MARCHF1: variants seen among roughly 807,000 people sequenced by gnomAD.
The protein encoded by MARCHF1 is membrane associated ring-CH-type finger 1.
In MARCHF1, 40 loss-of-function variants were observed where a neutral mutation model predicts 54.2. That is an observed-to-expected ratio of 0.74 (90% CI 0.57 to 0.96). MARCHF1 has a LOEUF of 0.96. Ranked by LOEUF, MARCHF1 falls within the 40% of genes least tolerant of loss-of-function variation. MARCHF1 has a pLI of 0.00. For synonymous variants in MARCHF1, 236 were observed against 236.3 expected (o/e 1.00, Z 0.01); for missense variants, 586 against 656.5 (o/e 0.89, Z 1.17).
chr4:163,727,834 G>T (rs1051848021), intron 4 of MARCHF1, among the ~76,000 whole-genome samples: 1 of 151,408 alleles, frequency 6.6e-6, no homozygotes, highest in Non-Finnish European at 1.5e-5. Flanking sequence ...CACCATGCTC[G>T]GGTATTTTTA....
At chr4:164,060,550 G>A (rs1184892392) in intron 2 of MARCHF1, among the ~76,000 whole-genome samples, 2 of 151,984 alleles carry the variant, frequency 1.3e-5, no homozygotes, top group Non-Finnish European at 2.9e-5. Flanking sequence ...TGACTAAAGG[G>A]TAATAATGTC....
chr4:163,726,898 C>T (rs186243606), intron 4 of MARCHF1, among the ~76,000 whole-genome samples: 162 of 152,308 alleles, frequency 1.1e-3, no homozygotes, highest in Middle Eastern at 6.8e-3. Context: ...GTATTTGGCC[C>T]ATTTTTAATG....
intron 1 of MARCHF1, among the ~76,000 whole-genome samples, chr4:164,205,765 A>G (rs923566643): frequency 5.3e-5 from 8 of 152,200 alleles, no homozygotes; most frequent in Non-Finnish European, 8.8e-5. Context: ...CTTGAATTTA[A>G]TTTAACCTAG....
chr4:164,324,188 A>G (rs1735214553), intron 1 of MARCHF1, among the ~76,000 whole-genome samples: 1 of 151,930 alleles, frequency 6.6e-6, no homozygotes, highest in Non-Finnish European at 1.5e-5. Context: ...AGAAAATCAT[A>G]CAATTATAAC....
chr4:163,577,095 T>G (rs1382495228), intron 8 of MARCHF1, among the ~76,000 whole-genome samples: 1 of 152,146 alleles, frequency 6.6e-6, no homozygotes, highest in East Asian at 1.9e-4. Context: ...GTTTTGATCC[T>G]ATCATGAGAT....
intron 4 of MARCHF1, among the ~76,000 whole-genome samples, chr4:163,790,993 G>T (rs933058955): frequency 7.9e-5 from 12 of 152,072 alleles, no homozygotes; most frequent in South Asian, 2.1e-4. Flanking sequence ...TTTGAAAAAA[G>T]AGTAACAAAA....
intron 8 of MARCHF1, among the ~76,000 whole-genome samples, chr4:163,563,369 A>T (rs1422188277): frequency 6.6e-6 from 1 of 152,196 alleles, no homozygotes; most frequent in Non-Finnish European, 1.5e-5. Flanking sequence ...TGAATTTCTG[A>T]ATGGTTTATC....
intron 1 of MARCHF1, among the ~76,000 whole-genome samples, chr4:164,257,703 C>G (rs1251072189): frequency 6.6e-6 from 1 of 152,056 alleles, no homozygotes; most frequent in Admixed American, 6.6e-5. Flanking sequence ...CATGGCAGCT[C>G]ACGCCTGTAA....
chr4:163,620,568 C>G (rs1741645003), intron 5 of MARCHF1, among the ~76,000 whole-genome samples: 2 of 83,798 alleles, frequency 2.4e-5, no homozygotes, highest in East Asian at 2.8e-4. Flanking sequence ...TGAGGTACAC[C>G]ACACACACAC....
rs1358108940 is a variant in MARCHF1 at position 163,526,419 on chromosome 4, G to GT, written c.*2328dup. The GT allele has an allele frequency of 1.3e-5, 2 of 152,026 alleles. No homozygotes were observed. Among genetic ancestry groups the GT allele is most frequent in the Non-Finnish European group, 2.9e-5 (2 of 67,948 alleles). 9.4% of individuals were successfully genotyped at this position (152,026 alleles called of 1,614,324 possible). ...TTTCTTTGTTTGCTGGTGTCTGGAT[G>GT]TTTTTCCCCGGGAATATCTGTAAGC... On this transcript the variant is annotated 3_prime_UTR_variant, in exon 10 of 10. Transcript: ENST00000514618.
chr4:163,813,596 T>C (rs922301651), intron 4 of MARCHF1, among the ~76,000 whole-genome samples: 7 of 152,200 alleles, frequency 4.6e-5, no homozygotes, highest in Non-Finnish European at 8.8e-5. Flanking sequence ...TTTGAATACA[T>C]AAATTACCTT....
chr4:164,043,227 G>T (rs1284895765), intron 2 of MARCHF1, among the ~76,000 whole-genome samples: 1 of 152,174 alleles, frequency 6.6e-6, no homozygotes, highest in Non-Finnish European at 1.5e-5. Flanking sequence ...CCATAGTAAA[G>T]GTTCTCCATG....
chr4:164,329,248 T>C (rs1202952771), intron 1 of MARCHF1, among the ~76,000 whole-genome samples: 1 of 152,230 alleles, frequency 6.6e-6, no homozygotes, highest in African/African-American at 2.4e-5. Flanking sequence ...TTATGGAAAC[T>C]GTGACATCTG....
intron 1 of MARCHF1, among the ~76,000 whole-genome samples, chr4:164,248,090 A>T (rs950123790): frequency 6.6e-6 from 1 of 151,896 alleles, no homozygotes; most frequent in African/African-American, 2.4e-5. Flanking sequence ...ACCACACACA[A>T]GTCAGGACCT....
At chr4:164,136,527 T>C (rs773961724) in intron 1 of MARCHF1, among the ~76,000 whole-genome samples, 2 of 152,140 alleles carry the variant, frequency 1.3e-5, no homozygotes, top group South Asian at 2.1e-4. Flanking sequence ...GCAGAGCCGA[T>C]TGGCTGGGAG....
chr4:163,931,330 A>AT (rs1189247447), intron 3 of MARCHF1, among the ~76,000 whole-genome samples: 3 of 152,142 alleles, frequency 2.0e-5, no homozygotes, highest in African/African-American at 7.2e-5. Flanking sequence ...AATTGAATGC[A>AT]TGTATCTCCC....
intron 1 of MARCHF1, among the ~76,000 whole-genome samples, chr4:164,278,550 C>T (rs1319828475): frequency 6.6e-6 from 1 of 152,114 alleles, no homozygotes; most frequent in African/African-American, 2.4e-5. Flanking sequence ...CAGAGCTGAC[C>T]TTGAAAGATT....
intron 1 of MARCHF1, among the ~76,000 whole-genome samples, chr4:164,207,730 T>G (rs557583035): frequency 6.6e-6 from 1 of 152,226 alleles, no homozygotes; most frequent in East Asian, 1.9e-4. Flanking sequence ...ACTGTTGCAC[T>G]GGAGTTGGTT....
At chr4:163,720,572 T>C (rs1469040207) in intron 4 of MARCHF1, among the ~76,000 whole-genome samples, 2 of 152,174 alleles carry the variant, frequency 1.3e-5, no homozygotes, top group African/African-American at 2.4e-5. Context: ...AAAAAAGTCA[T>C]TGGTAGCCTG....
Sources: gnomAD v4.1 joint callset for allele counts (sites outside exome capture counted in the v4.1 genomes callset) on GRCh38, gnomAD v4.1.1 for gene constraint, MANE v1.5 for transcripts, NCBI Gene and HGNC (gene_info 2026-07-23, HGNC 2026-07-21) for gene names.